The following LRRTM4 variants were observed in gnomAD, a reference collection of about 807,000 sequenced individuals.
The protein encoded by LRRTM4 is leucine-rich repeat transmembrane neuronal protein 4.
Under a neutral mutation model 47.6 loss-of-function variants are expected in LRRTM4, and 25 were observed. The observed-to-expected ratio is 0.53, with a 90% CI of 0.38 to 0.73. The LOEUF (loss-of-function observed/expected upper bound fraction) is 0.73, where lower values mean the gene tolerates loss of function less well. LRRTM4 is among the 30% of genes least tolerant of loss of function. LRRTM4 has a pLI of 0.00. For missense variants in LRRTM4, 638 were observed against 713.4 expected (o/e 0.89, Z 1.20); for synonymous variants, 311 against 269.5 (o/e 1.15, Z -1.51).
At chr2:76,790,533 G>T (rs1189586660) in intron 3 of LRRTM4, among the ~76,000 whole-genome samples, 1 of 151,992 alleles carries the variant, frequency 6.6e-6, no homozygotes, top group Non-Finnish European at 1.5e-5. Context: ...AGTACTTTGG[G>T]GTTTAAATAA....
At chr2:76,864,321 T>C (rs1419926073) in intron 3 of LRRTM4, among the ~76,000 whole-genome samples, 2 of 152,278 alleles carry the variant, frequency 1.3e-5, no homozygotes, top group East Asian at 1.9e-4. Flanking sequence ...ACCTCTGAGA[T>C]TGGTTATGAA....
At chr2:77,256,640 G>A (rs1451804388) in intron 3 of LRRTM4, among the ~76,000 whole-genome samples, 1 of 152,096 alleles carries the variant, frequency 6.6e-6, no homozygotes, top group Admixed American at 6.6e-5. Flanking sequence ...GTTTCTCCTT[G>A]CCTTCCGCCA....
At chr2:77,237,944 TCAAA>T (rs1675150178) in intron 3 of LRRTM4, among the ~76,000 whole-genome samples, 1 of 152,022 alleles carries the variant, frequency 6.6e-6, no homozygotes, top group African/African-American at 2.4e-5. Flanking sequence ...ATATATATAC[TCAAA>T]CATACACACA....
chr2:77,399,657 C>T (rs1419912880), intron 3 of LRRTM4, among the ~76,000 whole-genome samples: 1 of 151,916 alleles, frequency 6.6e-6, no homozygotes, highest in Middle Eastern at 3.4e-3. Flanking sequence ...TCACAGTGAT[C>T]GTATGAATTA....
chr2:77,069,401 ATGTGTG>A (rs3058064), intron 3 of LRRTM4, among the ~76,000 whole-genome samples: 3,741 of 141,542 alleles, frequency 0.026, 129 homozygotes, highest in African/African-American at 0.083. Flanking sequence ...ACATTTCACT[ATGTGTG>A]TGTGTGTGTG....
At chr2:77,110,043 A>T (rs1465278430) in intron 3 of LRRTM4, among the ~76,000 whole-genome samples, 1 of 152,154 alleles carries the variant, frequency 6.6e-6, no homozygotes, top group African/African-American at 2.4e-5. Flanking sequence ...AGGAAGAGAA[A>T]AATGCAAAAA....
intron 3 of LRRTM4, among the ~76,000 whole-genome samples, chr2:77,432,068 A>G (rs2103907345): frequency 6.6e-6 from 1 of 152,278 alleles, no homozygotes; most frequent in African/African-American, 2.4e-5. Flanking sequence ...GTGAGACTCC[A>G]TCTCAAAAAA....
intron 3 of LRRTM4, among the ~76,000 whole-genome samples, chr2:77,184,740 C>A (rs1673451583): frequency 6.6e-6 from 1 of 152,068 alleles, no homozygotes. Flanking sequence ...AAATTTGTAT[C>A]TCTTTATATA....
intron 3 of LRRTM4, among the ~76,000 whole-genome samples, chr2:77,490,165 G>A (rs991560642): frequency 6.6e-6 from 1 of 151,992 alleles, no homozygotes; most frequent in East Asian, 1.9e-4. Flanking sequence ...CACAAGAATT[G>A]CTTGAACTCA....
intron 3 of LRRTM4, among the ~76,000 whole-genome samples, chr2:76,894,184 T>C (rs1329256616): frequency 1.3e-5 from 2 of 152,000 alleles, no homozygotes; most frequent in Non-Finnish European, 2.9e-5. Flanking sequence ...TAAATCTCTT[T>C]TAAAATGCAG....
intron 3 of LRRTM4, among the ~76,000 whole-genome samples, chr2:77,160,401 G>C (rs1347705575): frequency 6.6e-6 from 1 of 151,960 alleles, no homozygotes; most frequent in African/African-American, 2.4e-5. Flanking sequence ...CTGATCTAGA[G>C]GCTAAATTAG....
chr2:77,021,611 A>C (rs777837932), intron 3 of LRRTM4, among the ~76,000 whole-genome samples: 3 of 152,172 alleles, frequency 2.0e-5, no homozygotes, highest in Non-Finnish European at 2.9e-5. Context: ...ATAGAGAAAG[A>C]TCTCCAGTTA....
At chr2:77,259,561 T>C (rs1435020125) in intron 3 of LRRTM4, among the ~76,000 whole-genome samples, 1 of 152,010 alleles carries the variant, frequency 6.6e-6, no homozygotes, top group Non-Finnish European at 1.5e-5. Flanking sequence ...TGAATAGACA[T>C]AAATAGTTAT....
At chr2:76,956,665 T>C (rs1262390245) in intron 3 of LRRTM4, among the ~76,000 whole-genome samples, 1 of 150,302 alleles carries the variant, frequency 6.7e-6, no homozygotes, top group African/African-American at 2.4e-5. Context: ...ATTAAGGAGA[T>C]TTTTTGAAAA....
chr2:76,894,176 A>G (rs1175528353), intron 3 of LRRTM4, among the ~76,000 whole-genome samples: 8 of 152,116 alleles, frequency 5.3e-5, no homozygotes. Flanking sequence ...TCTAAAATTA[A>G]ATCTCTTTTA....
intron 3 of LRRTM4, among the ~76,000 whole-genome samples, chr2:76,981,580 A>T (rs1274768235): frequency 2.0e-5 from 3 of 152,002 alleles, no homozygotes; most frequent in Non-Finnish European, 2.9e-5. Context: ...CTGCAGCCTC[A>T]AACTCCTGGG....
intron 3 of LRRTM4, among the ~76,000 whole-genome samples, chr2:76,778,548 A>C (rs199638275): frequency 0.28 from 42,104 of 150,008 alleles, 6,200 homozygotes; most frequent in East Asian, 0.37. Context: ...TTATTTGCGT[A>C]GAGGTGTTTG....
At chr2:76,786,229 T>C (rs978998057) in intron 3 of LRRTM4, among the ~76,000 whole-genome samples, 13 of 152,060 alleles carry the variant, frequency 8.5e-5, no homozygotes, top group African/African-American at 2.9e-4. Flanking sequence ...CCATGAACGA[T>C]TAAAAATAAG....
At chr2:76,835,098 G>T (rs1414730668) in intron 3 of LRRTM4, among the ~76,000 whole-genome samples, 2 of 152,050 alleles carry the variant, frequency 1.3e-5, no homozygotes, top group African/African-American at 4.8e-5. Context: ...TTTATTCTTT[G>T]TGCATGATAA....
Sources: allele counts gnomAD v4.1 joint callset (sites outside exome capture counted in the v4.1 genomes callset), GRCh38; gene constraint gnomAD v4.1.1; transcripts MANE v1.5; gene names NCBI Gene and HGNC (gene_info 2026-07-23, HGNC 2026-07-21).